BABAM2: variants seen among roughly 807,000 people sequenced by gnomAD.
BABAM2 encodes BRISC and BRCA1 A complex member 2.
Under a neutral mutation model 54.7 loss-of-function variants are expected in BABAM2, and 31 were observed. The observed-to-expected ratio is 0.57, with a 90% confidence interval of 0.43 to 0.77. The LOEUF is 0.77. Among genes scored for constraint, BABAM2 ranks in the 30% least tolerant of loss-of-function variants. The pLI is 0.00. For missense variants in BABAM2, 364 were observed against 455.8 expected, an observed-to-expected ratio of 0.80 and a Z score of 1.83; for synonymous variants, 167 against 162.9, an observed-to-expected ratio of 1.03 and a Z score of -0.19.
chr2:28,167,125 T>C (rs563332514), intron 7 of BABAM2, among the ~76,000 whole-genome samples: 1 of 152,316 alleles, frequency 6.6e-6, no homozygotes, highest in South Asian at 2.1e-4. Context: ...CTGCAGCTAA[T>C]AGAATCTCAC....
At chr2:28,178,905 C>T (rs912380807) in intron 7 of BABAM2, among the ~76,000 whole-genome samples, 1 of 151,968 alleles carries the variant, frequency 6.6e-6, no homozygotes, top group Non-Finnish European at 1.5e-5. Flanking sequence ...TAGATACATT[C>T]CTGGACACAT....
intron 6 of BABAM2, among the ~76,000 whole-genome samples, chr2:28,081,100 C>T (rs1238459649): frequency 1.3e-5 from 2 of 152,106 alleles, no homozygotes; most frequent in Admixed American, 6.5e-5. Flanking sequence ...AATGAGCCTA[C>T]AAAACAATCT....
rs1677504092 is a variant in BABAM2 at position 28,045,701 on chromosome 2, A to C, written c.496-24A>C. ...ATAATCTATTTTTGATTTTAATCTT[A>C]TTATTATAACTTTCTTTTTACAGAC... On this transcript the variant is annotated intron_variant, in intron 5 of 11. Coordinates refer to ENST00000379624, the MANE Select transcript of BABAM2 (RefSeq NM_199191.3). 4.4e-6 allele frequency: 7 copies of C among 1,586,780 alleles called. No homozygotes were observed. The Middle Eastern group carries it at 8.7e-4, about 196-fold the overall frequency.
intron 6 of BABAM2, among the ~76,000 whole-genome samples, chr2:28,125,279 T>TTTTTA (rs1376283764): frequency 1.3e-5 from 2 of 151,980 alleles, no homozygotes; most frequent in Non-Finnish European, 2.9e-5. Flanking sequence ...TATTTTGTTA[T>TTTTTA]TTTTATTTTA....
intron 6 of BABAM2, among the ~76,000 whole-genome samples, chr2:28,048,914 C>T (rs565033118): frequency 1.3e-5 from 2 of 152,220 alleles, no homozygotes; most frequent in Admixed American, 6.5e-5. Context: ...TATGTGTATT[C>T]CTGTCTTTAT....
chr2:28,225,773 C>G (rs1170413599), intron 7 of BABAM2, among the ~76,000 whole-genome samples: 1 of 151,674 alleles, frequency 6.6e-6, no homozygotes, highest in African/African-American at 2.4e-5. Context: ...GCTCACCTCA[C>G]CCTTGCCTGA....
At chr2:27,975,541 A>G (rs1402088703) in intron 3 of BABAM2, among the ~76,000 whole-genome samples, 3 of 152,134 alleles carry the variant, frequency 2.0e-5, no homozygotes, top group Non-Finnish European at 2.9e-5. Context: ...TTATATTTCA[A>G]ACCATGTTCA....
At chr2:28,157,439 G>A (rs762158674) in intron 7 of BABAM2, among the ~76,000 whole-genome samples, 1 of 152,170 alleles carries the variant, frequency 6.6e-6, no homozygotes, top group Non-Finnish European at 1.5e-5. Flanking sequence ...GCATATATGA[G>A]ACAACAGATT....
At chr2:28,284,364 A>G (rs1686623884) in intron 10 of BABAM2, among the ~76,000 whole-genome samples, 1 of 152,082 alleles carries the variant, frequency 6.6e-6, no homozygotes, top group Admixed American at 6.5e-5. Flanking sequence ...GTAATCCTAA[A>G]TATACAAAGA....
rs575204532 is a variant in BABAM2, at chr2:28,197,502, C to T, written c.681-39700C>T. Among the ~76,000 whole-genome samples the T allele has an allele frequency of 1.4e-4, 21 of 152,258 alleles. No homozygotes were observed. The South Asian group carries it at 3.7e-3, about 27-fold the overall frequency. ...ATGGGCATGGCAGATTGATTTAAAA[C>T]ATTTCCTCTTTACAATGATCTAGAT... is the stretch of plus-strand genomic sequence containing the variant. On this transcript the variant is annotated intron_variant, in intron 7 of 11. Transcript: ENST00000379624.
At chr2:28,022,914 AT>A (rs1383001667) in intron 4 of BABAM2, among the ~76,000 whole-genome samples, 2 of 152,178 alleles carry the variant, frequency 1.3e-5, no homozygotes, top group African/African-American at 2.4e-5. Flanking sequence ...AAAACTTTAT[AT>A]ATCTTCTGTT....
chr2:27,904,052 C>T (rs1040326032), intron 2 of BABAM2, among the ~76,000 whole-genome samples: 4 of 152,120 alleles, frequency 2.6e-5, no homozygotes, highest in African/African-American at 9.7e-5. Flanking sequence ...ATCACCAAGA[C>T]AGCGACTAAG....
At position 28,298,337 on chromosome 2, in the gene BABAM2, G is replaced by C; in HGVS notation, c.935-1G>C. 1 of 1,613,314 alleles carries C rather than the reference G, an allele frequency of 6.2e-7. No homozygotes were observed. Among genetic ancestry groups the C allele is most frequent in the South Asian group, 1.1e-5 (1 of 90,928 alleles). ...TCTTTTTCTTTCTTCTGTCTTTGCA[G>C]TTGACCTGCCTCTGTTTTTCCCTCG... On this transcript the variant is annotated splice_acceptor_variant, in intron 10 of 11. Transcript: ENST00000379624. LOFTEE classifies it high-confidence loss of function.
chr2:27,900,330 T>C (rs1665681348), intron 2 of BABAM2, among the ~76,000 whole-genome samples: 1 of 151,976 alleles, frequency 6.6e-6, no homozygotes, highest in Admixed American at 6.6e-5. Context: ...ATCTGGTTCA[T>C]AGGAGAAATA....
intron 3 of BABAM2, among the ~76,000 whole-genome samples, chr2:27,986,075 G>A (rs1037907996): frequency 1.3e-5 from 2 of 152,084 alleles, no homozygotes; most frequent in Non-Finnish European, 2.9e-5. Flanking sequence ...AGTATTTGGA[G>A]GGCATTGAGC....
intron 6 of BABAM2, among the ~76,000 whole-genome samples, chr2:28,063,699 A>G (rs1679087522): frequency 6.6e-6 from 1 of 152,186 alleles, no homozygotes; most frequent in Non-Finnish European, 1.5e-5. Flanking sequence ...GAGGTTTGAG[A>G]AACTATTTTG....
At chr2:28,244,146 C>T (rs1682704888) in intron 9 of BABAM2, among the ~76,000 whole-genome samples, 1 of 152,106 alleles carries the variant, frequency 6.6e-6, no homozygotes, top group Admixed American at 6.5e-5. Context: ...CCAGCATCCA[C>T]CCATCTAGTG....
chr2:28,121,425 ACTATCTCTT>A (rs1178105800), intron 6 of BABAM2, among the ~76,000 whole-genome samples: 1 of 152,158 alleles, frequency 6.6e-6, no homozygotes, highest in Non-Finnish European at 1.5e-5. Flanking sequence ...CTTGTTCTTG[ACTATCTCTT>A]CTGCTTAGAT....
At chr2:27,911,435 G>A (rs952510312) in intron 2 of BABAM2, among the ~76,000 whole-genome samples, 1 of 151,958 alleles carries the variant, frequency 6.6e-6, no homozygotes, top group Admixed American at 6.6e-5. Context: ...GAAAGAAAGG[G>A]GTGGATTTGA....
Sources: gnomAD v4.1 joint callset for allele counts (sites outside exome capture counted in the v4.1 genomes callset) on GRCh38, gnomAD v4.1.1 for gene constraint, MANE v1.5 for transcripts, NCBI Gene and HGNC (gene_info 2026-07-23, HGNC 2026-07-21) for gene names.